CDH23: variants seen among roughly 807,000 people sequenced by gnomAD.
CDH23 encodes cadherin-23.
A neutral mutation model predicts 317.1 loss-of-function variants in CDH23; 189 were observed. That is an observed-to-expected ratio of 0.60 (90% CI 0.53 to 0.67). The LOEUF (loss-of-function observed/expected upper bound fraction) is 0.67, where lower values mean the gene tolerates loss of function less well. CDH23 is among the 30% of genes least tolerant of loss of function. The pLI, the probability that CDH23 is intolerant of heterozygous loss-of-function variation, is 0.00. For missense variants in CDH23, 4,401 were observed against 4,592.4 expected, an observed-to-expected ratio of 0.96 and a Z score of 1.20; for synonymous variants, 1,839 against 1,876.8, an observed-to-expected ratio of 0.98 and a Z score of 0.52.
At chr10:71,726,622 C>T (rs1372386850) in intron 30 of CDH23, among the ~76,000 whole-genome samples, 1 of 152,236 alleles carries the variant, frequency 6.6e-6, no homozygotes, top group Admixed American at 6.5e-5. Context: ...GATGGAGACT[C>T]AGACACAGTA....
chr10:71,674,307 C>T (rs1864268340), intron 14 of CDH23, among the ~76,000 whole-genome samples: 2 of 152,128 alleles, frequency 1.3e-5, no homozygotes, highest in South Asian at 4.1e-4. Flanking sequence ...TAATAGACTC[C>T]AGGAACTTTA....
intron 67 of CDH23, 35 bp downstream of exon 67, chr10:71,812,644 G>A (rs2133007507): frequency 6.2e-7 from 1 of 1,613,626 alleles, no homozygotes; most frequent in Non-Finnish European, 8.5e-7. Context: ...ACAAGGGGCA[G>A]GGGTGGAGGG....
chr10:71,524,551 T>C (rs1322663267), intron 6 of CDH23, among the ~76,000 whole-genome samples: 4 of 152,156 alleles, frequency 2.6e-5, no homozygotes, highest in Non-Finnish European at 2.9e-5. Flanking sequence ...TGGAGTGTGG[T>C]AAGCAGAGTA....
intron 38 of CDH23, among the ~76,000 whole-genome samples, chr10:71,767,327 C>A (rs1486026430): frequency 6.6e-6 from 1 of 152,244 alleles, no homozygotes; most frequent in Non-Finnish European, 1.5e-5. Flanking sequence ...AAGGCAACGC[C>A]CTAGCCTTTG....
Position 71,777,887 on chromosome 10 carries a change from A to G in CDH23, c.5053A>G (p.Ile1685Val), listed in dbSNP as rs368570272. 2.2e-5 allele frequency: 36 copies of G among 1,613,924 alleles called. 1 individual carries two copies. In the South Asian group the frequency reaches 3.3e-4, roughly 15 times the overall value. ...AGGCAACATCGTCAACACCTTCCGCATCGACAGACACATGGTCAGCAGCTG... is the reference window on the plus strand; with the variant it reads ...AGGCAACATCGTCAACACCTTCCGCGTCGACAGACACATGGTCAGCAGCTG... ...VAGNIVNTFR[I>V]DRHMGVITAA... The change falls in exon 39 of 70, where the codon ATC becomes GTC. Residue 1685 changes from isoleucine (I) to valine (V), a missense_variant. This residue lies in a region of CDH23 where 3,068 missense variants were observed against 3,203.3 expected (regional missense o/e 0.96). Transcript: ENST00000224721.
rs78015574 is a variant in CDH23, at chr10:71,509,958, G to A, written c.146-124G>A. 6.8e-3 allele frequency: 7,359 copies of A among 1,087,186 alleles called. 323 individuals carry two copies. The East Asian group carries it at 0.12, about 17-fold the overall frequency. The allele number at this position is 1,087,186 out of a possible 1,614,324, so 67.3% of individuals were successfully genotyped here. ...ATGCGCCAGGGCCTTGTGATGATCT[G>A]TGGCCTGCTGGAGGATTGCTGAATG... On this transcript the variant is annotated intron_variant, in intron 3 of 69. Coordinates refer to ENST00000224721, the MANE Select transcript of CDH23 (RefSeq NM_022124.6).
chr10:71,712,634 G>T (rs775105547), intron 27 of CDH23, 31 bp from the exon 28 acceptor site: 20 of 1,610,622 alleles, frequency 1.2e-5, no homozygotes, highest in Middle Eastern at 1.6e-4. Context: ...TCAGGCAGCT[G>T]CTAACACCTG....
intron 3 of CDH23, 118 bp from the exon 4 acceptor site, chr10:71,509,964 T>G: frequency 8.6e-7 from 1 of 1,160,720 alleles, no homozygotes. Flanking sequence ...ATCTGTGGCC[T>G]GCTGGAGGAT....
chr10:71,440,274 A>G (rs1479597154), intron 2 of CDH23, among the ~76,000 whole-genome samples: 1 of 152,126 alleles, frequency 6.6e-6, no homozygotes, highest in African/African-American at 2.4e-5. Flanking sequence ...ACTGTGTGTG[A>G]CCTACTGCAC....
At chr10:71,606,934 G>T (rs1860562089) in intron 9 of CDH23, among the ~76,000 whole-genome samples, 1 of 152,164 alleles carries the variant, frequency 6.6e-6, no homozygotes, top group Non-Finnish European at 1.5e-5. Flanking sequence ...CGGCAGGCTG[G>T]TCCCCTCTCC....
At chr10:71,532,711 G>GTTTTTTTTTGTTTT (rs1855452212) in intron 6 of CDH23, among the ~76,000 whole-genome samples, 4 of 128,098 alleles carry the variant, frequency 3.1e-5, no homozygotes, top group East Asian at 2.0e-4. Context: ...TTTTGTTTTT[G>GTTTTTTTTTGTTTT]TTTTTTTTTT....
chr10:71,616,706 C>T (rs954479734), intron 10 of CDH23, among the ~76,000 whole-genome samples: 1 of 152,186 alleles, frequency 6.6e-6, no homozygotes, highest in Non-Finnish European at 1.5e-5. Flanking sequence ...ATGGCTCTGG[C>T]CCAGAGACTG....
In CDH23 at chr10:71,813,241, C is replaced by G. The variant is rs753412086; in HGVS notation, c.9634-3C>G. 2 of 1,551,392 alleles carry G rather than the reference C, an allele frequency of 1.3e-6. No individual in the cohort carries two copies. The highest frequency in any genetic ancestry group is 1.4e-5 in the African/African-American group (1 of 73,044). On this transcript the variant is annotated splice_polypyrimidine_tract_variant and splice_region_variant and intron_variant, in intron 68 of 69. Transcript: ENST00000224721. ...GTGGGGGTTAACCCTTTCCCTCCCCCAGGGCTCGCTGCTGAAGGTGGTCCT... is the reference window on the plus strand; with the variant it reads ...GTGGGGGTTAACCCTTTCCCTCCCCGAGGGCTCGCTGCTGAAGGTGGTCCT...
At chr10:71,469,708 A>G (rs746027556) in intron 3 of CDH23, among the ~76,000 whole-genome samples, 2 of 151,808 alleles carry the variant, frequency 1.3e-5, no homozygotes, top group Non-Finnish European at 2.9e-5. Flanking sequence ...TGGGTTCAAG[A>G]GATTCTCCTA....
intron 11 of CDH23, among the ~76,000 whole-genome samples, chr10:71,624,501 TG>T (rs1861617266): frequency 6.6e-6 from 1 of 152,206 alleles, no homozygotes; most frequent in Non-Finnish European, 1.5e-5. Flanking sequence ...CAGGATTAAA[TG>T]GGTTCGTATC....
chr10:71,446,187 G>A (rs759215474), intron 2 of CDH23, 131 bp from the exon 3 acceptor site: 93 of 840,592 alleles, frequency 1.1e-4, no homozygotes, highest in Non-Finnish European at 1.7e-4. Context: ...GACTTCCAGG[G>A]TCCTGGGAAG....
At chr10:71,493,536 CCA>C (rs143112881) in intron 3 of CDH23, among the ~76,000 whole-genome samples, 4,543 of 152,258 alleles carry the variant, frequency 0.03, 218 homozygotes, top group African/African-American at 0.1. Context: ...CAGCATTTCC[CCA>C]GTTATTATTT....
intron 11 of CDH23, among the ~76,000 whole-genome samples, chr10:71,618,755 C>A (rs1298083213): frequency 6.6e-6 from 1 of 152,144 alleles, no homozygotes; most frequent in Non-Finnish European, 1.5e-5. Flanking sequence ...CTCCTCTCAA[C>A]CAGACATGGT....
At position 71,793,179 on chromosome 10, in the gene CDH23, C is replaced by T. The variant is rs1350670031; in HGVS notation, c.6254-3C>T. On this transcript the variant is annotated splice_polypyrimidine_tract_variant and splice_region_variant and intron_variant, in intron 47 of 69. Transcript: ENST00000224721. ...CAGCTACTCCCTTTTCCCTCTCCAA[C>T]AGGATTCTCAGTCCTTCAAGTCACA... is the stretch of plus-strand genomic sequence containing the variant. 10 of 1,607,612 alleles carry T rather than the reference C, an allele frequency of 6.2e-6. No individual in the cohort carries two copies. Among genetic ancestry groups the T allele is most frequent in the Non-Finnish European group, 7.7e-6 (9 of 1,175,806 alleles).
Sources: allele counts gnomAD v4.1 joint callset (sites outside exome capture counted in the v4.1 genomes callset), GRCh38; gene constraint gnomAD v4.1.1; regional missense constraint gnomAD v4.1.1; transcripts MANE v1.5; gene names NCBI Gene and HGNC (gene_info 2026-07-23, HGNC 2026-07-21).